SLC22A8: variants seen among roughly 807,000 people sequenced by gnomAD.
The protein encoded by SLC22A8 is solute carrier family 22 member 8.
A neutral mutation model predicts 48.4 loss-of-function variants in SLC22A8; 40 were observed. The observed-to-expected ratio is 0.83, with a 90% CI of 0.64 to 1.08. The LOEUF (loss-of-function observed/expected upper bound fraction) is 1.08, where lower values mean the gene tolerates loss of function less well. Among genes scored for constraint, SLC22A8 ranks in the 50% least tolerant of loss-of-function variants. The probability of loss-of-function intolerance (pLI) is 0.00; values close to 1 mark genes in which losing one functional copy is unlikely to be tolerated. For synonymous variants in SLC22A8, 268 were observed against 286.3 expected, an observed-to-expected ratio of 0.94 and a Z score of 0.65; for missense variants, 606 against 699.0, an observed-to-expected ratio of 0.87 and a Z score of 1.50.
intron 2 of SLC22A8, among the ~76,000 whole-genome samples, chr11:63,005,057 A>G (rs907767508): frequency 1.3e-5 from 2 of 152,226 alleles, no homozygotes; most frequent in African/African-American, 4.8e-5. Flanking sequence ...CTATGGAAAA[A>G]TTGTCTACTG....
intron 2 of SLC22A8, among the ~76,000 whole-genome samples, chr11:63,010,632 C>T (rs2086608602): frequency 6.6e-6 from 1 of 152,178 alleles, no homozygotes; most frequent in African/African-American, 2.4e-5. Flanking sequence ...GGGACACTTC[C>T]TAAGTGCTCT....
chr11:63,000,439 G>T (rs2086478811), intron 3 of SLC22A8, among the ~76,000 whole-genome samples: 1 of 149,078 alleles, frequency 6.7e-6, no homozygotes, highest in Non-Finnish European at 1.5e-5. Context: ...AGCTGAGATT[G>T]TGCCATCGCA....
Position 62,996,092 on chromosome 11 carries a change from C to T in SLC22A8, c.822G>A (p.Lys274=). The T allele has an allele frequency of 6.2e-7, 1 of 1,614,012 alleles. No individual in the cohort carries two copies. The highest frequency in any genetic ancestry group is 8.5e-7 in the Non-Finnish European group (1 of 1,179,956). ...VLSGKSSKAL[K]ILRRVAVFNG... is the part of the protein sequence containing the mutation. ...TGAAGACAGCCACCCGCCGGAGTAT[C>T]TTCAGGGCCTTCGAGGACTTTCCAG... is the stretch of plus-strand genomic sequence containing the variant. Residue 274 remains lysine (K), a synonymous_variant, in exon 6 of 11, where the codon AAG becomes AAA. Transcript: ENST00000336232.
In SLC22A8 at chr11:62,994,556, G is replaced by T; in HGVS notation, c.1202C>A (p.Thr401Asn). ...CAGTCTCTCACCCAAGGGCACAAAG[G>T]TGAGAGCCAAGATGGCCCCTCCTGC... ...LLAGGAILAL[T>N]FVPLDLQTVR... is the part of the protein sequence containing the mutation. The change falls in exon 8 of 11, where the codon ACC becomes AAC. Residue 401 changes from threonine to asparagine, a missense_variant. Coordinates refer to ENST00000336232, the MANE Select transcript of SLC22A8 (RefSeq NM_004254.4). 6.2e-7 allele frequency: 1 copy of T among 1,608,852 alleles called. No homozygotes were observed. The highest frequency in any genetic ancestry group is 2.2e-5 in the East Asian group (1 of 44,806).
intron 2 of SLC22A8, among the ~76,000 whole-genome samples, chr11:63,001,947 C>T (rs1252372381): frequency 1.3e-5 from 2 of 151,024 alleles, no homozygotes; most frequent in African/African-American, 4.9e-5. Context: ...TTTTTTGAGA[C>T]AGGGTCTCAC....
Position 62,999,814 on chromosome 11 carries a change from T to C in SLC22A8, c.466A>G (p.Ser156Gly), listed in dbSNP as rs1190215607. The C allele has an allele frequency of 1.3e-6, 2 of 1,598,104 alleles. No homozygotes were observed. The highest frequency in any genetic ancestry group is 1.3e-5 in the African/African-American group (1 of 74,232). The change falls in exon 4 of 11, where the codon AGC becomes GGC. Residue 156 changes from serine to glycine, a missense_variant. By Grantham distance (56) the Ser-to-Gly change is moderately conservative (BLOSUM62 0). Coordinates refer to ENST00000336232, the MANE Select transcript of SLC22A8 (RefSeq NM_004254.4). ...RFGRRPILTCSYLLLAASGSG... is the reference protein window; with the variant it reads ...RFGRRPILTCGYLLLAASGSG... ...CCGCTGGCTGCCAGCAGCAGGTAGC[T>C]GCAGGTCAGGATGGGCCTGCGGCCA...
At chr11:62,995,622 G>C in intron 7 of SLC22A8, 82 bp downstream of exon 7, 1 of 958,536 alleles carries the variant, frequency 1.0e-6, no homozygotes. Flanking sequence ...GATGCCCTAG[G>C]CCTTGCCCTT....
At position 63,014,622 on chromosome 11, in the gene SLC22A8, A is replaced by G. The variant is rs1201842187; in HGVS notation, c.333+4T>C. On this transcript the variant is annotated splice_donor_region_variant and intron_variant, in intron 2 of 10. Transcript: ENST00000336232. ...GTGGAGGGAGAGGGTTTGCCCAGGC[A>G]TACCTCTGTCACAATGGAGTCCTTG... 1.9e-6 allele frequency: 3 copies of G among 1,580,326 alleles called. No individual in the cohort carries two copies. Among genetic ancestry groups the G allele is most frequent in the East Asian group, 4.5e-5 (2 of 44,270 alleles).
intron 7 of SLC22A8, chr11:62,994,973 G>C: frequency 8.5e-6 from 5 of 588,954 alleles, no homozygotes; most frequent in Non-Finnish European, 1.5e-5. Flanking sequence ...ACGTGGGCAT[G>C]GTCCAGGGTG....
Position 62,993,335 on chromosome 11 carries a change from A to G in SLC22A8, c.1531T>C (p.Ser511Pro). The change falls in exon 11 of 11, where the codon TCC becomes CCC. Residue 511 changes from serine to proline, a missense_variant and splice_region_variant. By Grantham distance (74) the Ser-to-Pro change is moderately conservative. Coordinates refer to ENST00000336232, the MANE Select transcript of SLC22A8 (RefSeq NM_004254.4). ...TGCTTTGGCTTCTTTGCCCGCAGGG[A>G]CCTAGGGACAGAGAGCTAAGGAAAA... Reference protein sequence around the residue: ...PETIEDLENWSLRAKKPKQEP... With the variant: ...PETIEDLENWPLRAKKPKQEP... 1.2e-6 allele frequency: 2 copies of G among 1,613,854 alleles called. No homozygotes were observed. Among genetic ancestry groups the G allele is most frequent in the Non-Finnish European group, 1.7e-6 (2 of 1,179,850 alleles).
rs374075913 is a variant in SLC22A8, at chr11:62,993,518, C to T, written c.1435G>A (p.Gly479Arg). The change falls in exon 10 of 11, where the codon GGG becomes AGG. Residue 479 changes from glycine (G) to arginine (R), a missense_variant. Gly to Arg is a moderately radical substitution (Grantham distance 125, BLOSUM62 -2). Coordinates refer to ENST00000336232, the MANE Select transcript of SLC22A8 (RefSeq NM_004254.4). The stretch of plus-strand genomic sequence containing the variant: ...CTGCCCCCGAGGAGGGCGGTGATCC[C>T]GTAGATGATATTGGGGATGAAGGGC... ...VQPFIPNIIYGITALLGGSAA... is the reference protein window; with the variant it reads ...VQPFIPNIIYRITALLGGSAA... The T allele has an allele frequency of 5.0e-6, 8 of 1,614,148 alleles. No homozygotes were observed. The highest frequency in any genetic ancestry group is 2.7e-5 in the African/African-American group (2 of 75,030).
chr11:63,006,595 G>GTTTTTTTTTGTTTTTTTT (rs2086557535), intron 2 of SLC22A8, among the ~76,000 whole-genome samples: 1 of 51,404 alleles, frequency 1.9e-5, no homozygotes, highest in Non-Finnish European at 3.5e-5. Flanking sequence ...TCTCATTTGA[G>GTTTTTTTTTGTTTTTTTT]TTTTTTTTTT....
chr11:63,013,901 C>A (rs1404505880), intron 2 of SLC22A8, among the ~76,000 whole-genome samples: 1 of 152,132 alleles, frequency 6.6e-6, no homozygotes, highest in Admixed American at 6.5e-5. Context: ...ATTGAAGAGT[C>A]TGATTTAACT....
intron 9 of SLC22A8, 61 bp from the exon 10 acceptor site, chr11:62,993,688 C>T: frequency 6.3e-7 from 1 of 1,599,596 alleles, no homozygotes; most frequent in Non-Finnish European, 8.6e-7. Flanking sequence ...GGATGGCTCC[C>T]CTGGGTAGAG....
At chr11:63,010,559 C>T (rs2086607372) in intron 2 of SLC22A8, among the ~76,000 whole-genome samples, 1 of 152,206 alleles carries the variant, frequency 6.6e-6, no homozygotes, top group African/African-American at 2.4e-5. Flanking sequence ...GGGTTCTGCC[C>T]TTGCTGTGCT....
rs2086542957 is a variant in SLC22A8 at position 63,005,400 on chromosome 11, A to G, written c.334-4577T>C. 2.0e-5 allele frequency among the ~76,000 whole-genome samples: 3 copies of G among 152,376 alleles called. No individual in the cohort carries two copies. In the South Asian group the frequency reaches 6.2e-4, roughly 32 times the overall value. On this transcript the variant is annotated intron_variant, in intron 2 of 10. Coordinates refer to ENST00000336232, the MANE Select transcript of SLC22A8 (RefSeq NM_004254.4). ...ATCTCACAGGGTAAGTGGCTTGCCC[A>G]AGCATGGCTTGGTTCATTTCAAGAC...
At chr11:63,015,108 T>C in intron 1 of SLC22A8, 125 bp from the exon 2 acceptor site, 2 of 576,776 alleles carry the variant, frequency 3.5e-6, no homozygotes, top group South Asian at 3.2e-5. Flanking sequence ...GCAGAGCATG[T>C]GTAAGTGTGT....
chr11:63,000,818 G>A lies in SLC22A8; in HGVS notation c.339C>T (p.Asp113=). Residue 113 remains aspartate (D), a synonymous_variant, in exon 3 of 11, where the codon GAC becomes GAT. Coordinates refer to ENST00000336232, the MANE Select transcript of SLC22A8 (RefSeq NM_004254.4). ...TCAGTTTGTTGGAGTTGCACACCAA[G>A]TCCCACTGCACAAGAGAAAGGTAGG... ...STKDSIVTEW[D]LVCNSNKLKE... 1.2e-6 allele frequency: 2 copies of A among 1,611,668 alleles called. No individual in the cohort carries two copies. Among genetic ancestry groups the A allele is most frequent in the Non-Finnish European group, 1.7e-6 (2 of 1,177,778 alleles).
intron 8 of SLC22A8, 74 bp downstream of exon 8, chr11:62,994,468 G>A: frequency 9.0e-7 from 1 of 1,114,598 alleles, no homozygotes; most frequent in East Asian, 2.6e-5. Context: ...TAGAGGCAGA[G>A]CCAGCAGTGA....
Sources: gnomAD v4.1 joint callset for allele counts (sites outside exome capture counted in the v4.1 genomes callset) on GRCh38, gnomAD v4.1.1 for gene constraint, MANE v1.5 for transcripts, NCBI Gene and HGNC (gene_info 2026-07-23, HGNC 2026-07-21) for gene names.